Variants in PCDH15 observed in about 807,000 individuals in gnomAD.
PCDH15 encodes protocadherin related 15.
Under a neutral mutation model 178.5 loss-of-function variants are expected in PCDH15, and 129 were observed. That is an observed-to-expected ratio of 0.72 (90% CI 0.63 to 0.84). The LOEUF is 0.84. Among genes scored for constraint, PCDH15 ranks in the 40% least tolerant of loss-of-function variants. The pLI is 0.00. For synonymous variants in PCDH15, 800 were observed against 732.0 expected, an observed-to-expected ratio of 1.09 and a Z score of -1.50; for missense variants, 2,230 against 2,099.9, an observed-to-expected ratio of 1.06 and a Z score of -1.21.
intron 2 of PCDH15, among the ~76,000 whole-genome samples, chr10:55,621,418 A>G (rs866729595): frequency 6.6e-6 from 1 of 152,288 alleles, no homozygotes; most frequent in Middle Eastern, 3.4e-3. Flanking sequence ...CCCCCACCCC[A>G]GGGGCTGCAG....
At chr10:54,500,703 G>A (rs563194318) in intron 3 of PCDH15, among the ~76,000 whole-genome samples, 9 of 152,078 alleles carry the variant, frequency 5.9e-5, no homozygotes, top group South Asian at 2.1e-4. Flanking sequence ...GGTGGTGCAC[G>A]CCTGTAATTC....
chr10:55,425,227 C>G (rs939041285), intron 2 of PCDH15, among the ~76,000 whole-genome samples: 1 of 151,774 alleles, frequency 6.6e-6, no homozygotes, highest in African/African-American at 2.4e-5. Context: ...ACTCCATTAT[C>G]ATTTTATACA....
At chr10:55,145,659 C>T (rs768688206) in intron 2 of PCDH15, among the ~76,000 whole-genome samples, 3 of 151,902 alleles carry the variant, frequency 2.0e-5, no homozygotes, top group Non-Finnish European at 2.9e-5. Flanking sequence ...GTGTTTATAT[C>T]ATTAGTCATA....
At chr10:54,215,383 A>G (rs564862449) in intron 9 of PCDH15, among the ~76,000 whole-genome samples, 1 of 152,302 alleles carries the variant, frequency 6.6e-6, no homozygotes, top group South Asian at 2.1e-4. Flanking sequence ...ATTAAAACCG[A>G]CTGTAAAATC....
chr10:54,179,492 C>A (rs1590992661), intron 13 of PCDH15, among the ~76,000 whole-genome samples: 3 of 151,790 alleles, frequency 2.0e-5, no homozygotes, highest in African/African-American at 7.3e-5. Context: ...TTGGGTGCAG[C>A]ACACCAGCAT....
intron 15 of PCDH15, among the ~76,000 whole-genome samples, chr10:54,107,882 T>C (rs1402407735): frequency 6.6e-6 from 1 of 152,162 alleles, no homozygotes; most frequent in Non-Finnish European, 1.5e-5. Context: ...ATGTCTGGAA[T>C]GGGAGGTCAG....
intron 2 of PCDH15, among the ~76,000 whole-genome samples, chr10:54,912,905 C>G (rs1485949981): frequency 6.6e-6 from 1 of 152,140 alleles, no homozygotes; most frequent in Non-Finnish European, 1.5e-5. Flanking sequence ...GTAAAAGTCT[C>G]TCTTACCAGG....
intron 2 of PCDH15, among the ~76,000 whole-genome samples, chr10:55,533,047 C>A (rs1841488527): frequency 9.0e-6 from 1 of 111,144 alleles, no homozygotes; most frequent in South Asian, 3.3e-4. Flanking sequence ...GAACACTTGT[C>A]AAAGTAAATT....
chr10:54,517,375 G>A (rs2082341945), intron 3 of PCDH15, among the ~76,000 whole-genome samples: 1 of 151,674 alleles, frequency 6.6e-6, no homozygotes, highest in Non-Finnish European at 1.5e-5. Flanking sequence ...GATCTACCAA[G>A]CAAAAGGAAA....
intron 2 of PCDH15, chr10:55,575,594 GA>G (rs1004062910): frequency 6.6e-6 from 1 of 152,068 alleles, no homozygotes; most frequent in Non-Finnish European, 1.5e-5. Context: ...ATTTCTAATT[GA>G]AAAGCTAAAT....
intron 3 of PCDH15, among the ~76,000 whole-genome samples, chr10:54,866,109 G>A (rs12217877): frequency 0.34 from 51,566 of 151,934 alleles, 9,316 homozygotes; most frequent in East Asian, 0.69. Flanking sequence ...ATGTTTGAGT[G>A]ATCATAGTCT....
chr10:55,497,624 A>G (rs1344180557), intron 2 of PCDH15, among the ~76,000 whole-genome samples: 3 of 151,864 alleles, frequency 2.0e-5, no homozygotes, highest in East Asian at 1.9e-4. Context: ...ACTAAAATTA[A>G]CAGCATTTAA....
intron 2 of PCDH15, among the ~76,000 whole-genome samples, chr10:54,635,172 T>TAAATAAATAAATAAAC (rs2093815618): frequency 6.7e-6 from 1 of 149,592 alleles, no homozygotes; most frequent in African/African-American, 2.4e-5. Context: ...TATAAATAAA[T>TAAATAAATAAATAAAC]AAATAAATAA....
chr10:54,905,737 T>C (rs995792247), intron 2 of PCDH15, among the ~76,000 whole-genome samples: 1 of 152,098 alleles, frequency 6.6e-6, no homozygotes, highest in Non-Finnish European at 1.5e-5. Flanking sequence ...AATAGTTCCA[T>C]ATGGACAAGA....
chr10:53,808,642 G>A (rs1038410932), intron 37 of PCDH15: 3 of 1,572,214 alleles, frequency 1.9e-6, no homozygotes, highest in South Asian at 2.4e-5. Context: ...AGAAGGCACT[G>A]CACACGAGAG....
chr10:54,663,293 C>T (rs991155802), intron 2 of PCDH15, among the ~76,000 whole-genome samples: 3 of 151,022 alleles, frequency 2.0e-5, no homozygotes, highest in African/African-American at 7.3e-5. Flanking sequence ...ATCATGAATG[C>T]CAAACAAATC....
Position 55,110,153 on chromosome 10 carries a change from A to G in PCDH15, c.-80+56423T>C, listed in dbSNP as rs1837463103. 2.0e-5 allele frequency among the ~76,000 whole-genome samples: 3 copies of G among 152,092 alleles called. No individual in the cohort carries two copies. In the South Asian group the frequency reaches 6.2e-4, roughly 32 times the overall value. On this transcript the variant is annotated intron_variant, in intron 2 of 5. Coordinates refer to the PCDH15 transcript ENST00000458638. ...TTTCTAAAAATTACTTAATTTCTTAAAGAGCCAATAAGATGTAGGGAATAA... is the reference window on the plus strand; with the variant it reads ...TTTCTAAAAATTACTTAATTTCTTAGAGAGCCAATAAGATGTAGGGAATAA...
chr10:55,541,990 A>G (rs553261193), intron 2 of PCDH15, among the ~76,000 whole-genome samples: 1 of 151,926 alleles, frequency 6.6e-6, no homozygotes, highest in African/African-American at 2.4e-5. Flanking sequence ...AATACAATAT[A>G]TAAACCTGAG....
intron 13 of PCDH15, among the ~76,000 whole-genome samples, chr10:54,156,026 G>A (rs1471631165): frequency 6.6e-6 from 1 of 152,090 alleles, no homozygotes; most frequent in Non-Finnish European, 1.5e-5. Context: ...CTTCCTAAAT[G>A]AAAAGGGCAT....
Sources: allele counts gnomAD v4.1 joint callset (sites outside exome capture counted in the v4.1 genomes callset), GRCh38; gene constraint gnomAD v4.1.1; transcripts MANE v1.5; gene names NCBI Gene and HGNC (gene_info 2026-07-23, HGNC 2026-07-21).